The following TSC2 variants were observed in gnomAD, a reference collection of about 807,000 sequenced individuals.
The protein encoded by TSC2 is tuberin.
TSC2 carries 29 observed loss-of-function variants against 202.2 expected under a neutral mutation model. The observed-to-expected ratio is 0.14, with a 90% CI of 0.11 to 0.20. TSC2 has a LOEUF of 0.20. TSC2 is among the 10% of genes least tolerant of loss of function. The probability of loss-of-function intolerance (pLI) is 1.00; values close to 1 mark genes in which losing one functional copy is unlikely to be tolerated. For missense variants in TSC2, 2,429 were observed against 2,420.0 expected, an observed-to-expected ratio of 1.00 and a Z score of -0.08; for synonymous variants, 1,349 against 1,044.0, an observed-to-expected ratio of 1.29 and a Z score of -5.63.
chr16:2,060,090 T>C (rs894339106), intron 10 of TSC2, among the ~76,000 whole-genome samples: 56 of 152,208 alleles, frequency 3.7e-4, no homozygotes, highest in African/African-American at 1.2e-3. Flanking sequence ...TGTCAAGTGC[T>C]GGTCTTGTCC....
intron 11 of TSC2, chr16:2,061,281 T>C: frequency 3.4e-6 from 1 of 291,132 alleles, no homozygotes; most frequent in Non-Finnish European, 6.7e-6. Context: ...GCCTCAGGGC[T>C]GTGCCTTTTC....
chr16:2,083,852 C>T (rs766253342), intron 33 of TSC2, 36 bp downstream of exon 33: 16 of 1,595,588 alleles, frequency 1.0e-5, no homozygotes, highest in Admixed American at 3.4e-5. Context: ...CTGCTGACCT[C>T]GGGGGGCTCC....
Position 2,048,063 on chromosome 16 carries a change from G to A in TSC2, c.-32G>A, listed in dbSNP as rs2084564080. 2.8e-6 allele frequency: 4 copies of A among 1,424,190 alleles called. No individual in the cohort carries two copies. Among genetic ancestry groups the A allele is most frequent in the Admixed American group, 5.9e-5 (2 of 33,836 alleles). 88.2% of individuals were successfully genotyped at this position (1,424,190 alleles called of 1,614,324 possible). A position where few individuals can be genotyped will look rare whatever the true frequency, so the allele number is the denominator to read the frequency against. On this transcript the variant is annotated splice_region_variant and 5_prime_UTR_variant, in exon 1 of 42. Transcript: ENST00000219476. The stretch of plus-strand genomic sequence containing the variant: ...GGCCCGGAGCGCGGTGGCGCGGCGC[G>A]GGGTAAGTGGCGGTCCCCACGGGGC...
At chr16:2,084,830 G>C in intron 34 of TSC2, 115 bp downstream of exon 34, 1 of 1,599,664 alleles carries the variant, frequency 6.3e-7, no homozygotes, top group Non-Finnish European at 8.5e-7. Flanking sequence ...CCCTAGGGCT[G>C]GCTGGAACCC....
rs137854031 is a variant in TSC2, at chr16:2,060,630, G to A, written c.976-40G>A. 6.2e-7 allele frequency: 1 copy of A among 1,613,598 alleles called. No homozygotes were observed. The highest frequency in any genetic ancestry group is 8.5e-7 in the Non-Finnish European group (1 of 1,179,932). On this transcript the variant is annotated intron_variant, in intron 10 of 41. Coordinates refer to ENST00000219476, the MANE Select transcript of TSC2 (RefSeq NM_000548.5). ...TGGGAGGGCGTCCCACAGCAAGCAA[G>A]CAGCTCTGACCCTGTGTGCTGGCCG...
At position 2,059,338 on chromosome 16, in the gene TSC2, C is replaced by CTT. The variant is rs1180610775; in HGVS notation, c.975+485_975+486dup. On this transcript the variant is annotated intron_variant, in intron 10 of 41. Transcript: ENST00000219476. ...TGGCCAAAGGCTTTTTTCTCTCTCT[C>CTT]TTTTTTTTTTTTTTTTTTTTTGAGA... Among the ~76,000 whole-genome samples the CTT allele has an allele frequency of 3.7e-3, 458 of 124,644 alleles. 4 individuals carry two copies. Among genetic ancestry groups the CTT allele is most frequent in the African/African-American group, 0.01 (325 of 32,228 alleles). 81.8% of individuals were successfully genotyped at this position (124,644 alleles called of 152,430 possible).
chr16:2,054,252 G>GC, intron 4 of TSC2, 44 bp from the exon 5 acceptor site: 1 of 1,613,752 alleles, frequency 6.2e-7, no homozygotes, highest in Non-Finnish European at 8.5e-7. Context: ...AGCCGTGTGG[G>GC]CGACGCTGGC....
At position 2,074,024 on chromosome 16, in the gene TSC2, G is replaced by T. The variant is rs116444190; in HGVS notation, c.2356-176G>T. ...TGTCGGAATGCAACTGACCGGAGCA[G>T]TCTGCTGTGCAGAGTCTGCTCGGGT... On this transcript the variant is annotated intron_variant, in intron 21 of 41. Transcript: ENST00000219476. 8.0e-3 allele frequency among the ~76,000 whole-genome samples: 1,216 copies of T among 152,396 alleles called. 12 individuals are homozygous for T. Among genetic ancestry groups the T allele is most frequent in the African/African-American group, 0.028 (1,166 of 41,602 alleles).
At chr16:2,062,632 C>G (rs770951035) in intron 13 of TSC2, 32 bp downstream of exon 13, 21 of 1,572,760 alleles carry the variant, frequency 1.3e-5, no homozygotes, top group Non-Finnish European at 1.8e-5. Context: ...TGCCTGGCAC[C>G]TGGAGCCTGG....
chr16:2,080,092 G>C (rs1035699234), intron 29 of TSC2, 73 bp from the exon 30 acceptor site: 13 of 1,592,176 alleles, frequency 8.2e-6, no homozygotes, highest in Non-Finnish European at 1.0e-5. Flanking sequence ...GGCTCGGGGG[G>C]AGCATTCAGC....
At position 2,077,670 on chromosome 16, in the gene TSC2, T is replaced by C. The variant is rs777705428; in HGVS notation, c.2910T>C (p.Ser970=). 2 of 1,613,002 alleles carry C rather than the reference T, an allele frequency of 1.2e-6. No homozygotes were observed. The highest frequency in any genetic ancestry group is 3.3e-5 in the Admixed American group (2 of 60,012). ...CCGTGAAAGAATTCAAGGAGAGCTC[T>C]GCAGCCGAGGCCTTCCGGTGCCGCA... is the stretch of plus-strand genomic sequence containing the variant. ...SPPVKEFKES[S]AAEAFRCRSI... The change falls in exon 26 of 42, where the codon TCT becomes TCC. Residue 970 remains serine, a synonymous_variant. Transcript: ENST00000219476.
chr16:2,086,258 G>C lies in TSC2; in HGVS notation c.4728G>C (p.Thr1576=), dbSNP rs752642825. Residue 1576 remains threonine (T), a synonymous_variant, in exon 37 of 42, where the codon ACG becomes ACC. Coordinates refer to ENST00000219476, the MANE Select transcript of TSC2 (RefSeq NM_000548.5). ...HGSYRYTEFL[T]GLGRLIELKD... ...CCTACAGGTACACGGAGTTCCTGAC[G>C]GGCCTGGGCCGGCTCATCGAGCTGA... The C allele has an allele frequency of 5.0e-6, 8 of 1,612,816 alleles. No individual in the cohort carries two copies. Among genetic ancestry groups the C allele is most frequent in the African/African-American group, 2.7e-5 (2 of 75,046 alleles).
At chr16:2,077,192 C>A (rs570208448) in intron 25 of TSC2, among the ~76,000 whole-genome samples, 1 of 152,312 alleles carries the variant, frequency 6.6e-6, no homozygotes, top group South Asian at 2.1e-4. Context: ...TCCTAGTGAC[C>A]TTCAGGGCCT....
chr16:2,055,246 C>G (rs984036375), intron 5 of TSC2, 156 bp from the exon 6 acceptor site: 2 of 721,130 alleles, frequency 2.8e-6, no homozygotes, highest in Non-Finnish European at 5.0e-6. Context: ...TGAGCCTCTT[C>G]GGGCCCAGTG....
chr16:2,048,068 A>G lies in TSC2; in HGVS notation c.-30+3A>G. 3 of 1,423,568 alleles carry G rather than the reference A, an allele frequency of 2.1e-6. No individual in the cohort carries two copies. Among genetic ancestry groups the G allele is most frequent in the Non-Finnish European group, 2.7e-6 (3 of 1,096,678 alleles). The allele number at this position is 1,423,568 out of a possible 1,614,324, so 88.2% of individuals were successfully genotyped here. A position where few individuals can be genotyped will look rare whatever the true frequency, so the allele number is the denominator to read the frequency against. ...GGAGCGCGGTGGCGCGGCGCGGGGT[A>G]AGTGGCGGTCCCCACGGGGCAAGTG... On this transcript the variant is annotated splice_donor_region_variant and intron_variant, in intron 1 of 41. Transcript: ENST00000219476.
At position 2,084,296 on chromosome 16, in the gene TSC2, C is replaced by T. The variant is rs144098854; in HGVS notation, c.4074C>T (p.Pro1358=). 3 of 1,612,622 alleles carry T rather than the reference C, an allele frequency of 1.9e-6. No individual in the cohort carries two copies. The highest frequency in any genetic ancestry group is 1.6e-4 in the Middle Eastern group (1 of 6,062). The change falls in exon 34 of 42, where the codon CCC becomes CCT. Residue 1358 remains proline (P), a synonymous_variant. Coordinates refer to ENST00000219476, the MANE Select transcript of TSC2 (RefSeq NM_000548.5). ...HAEELVGRGI[P]IERVVSSEGG... is the part of the protein sequence containing the mutation. ...AGGAGCTGGTTGGCAGGGGCATCCC[C>T]ATCGAGCGAGTCGTCTCCTCGGAGG...
chr16:2,063,126 G>C (rs763644113), intron 14 of TSC2, 73 bp downstream of exon 14: 1 of 1,516,390 alleles, frequency 6.6e-7, no homozygotes, highest in Non-Finnish European at 9.0e-7. Context: ...TGTTGTGCAC[G>C]TGCTCCCGCA....
At chr16:2,058,633 C>T (rs546010987) in intron 9 of TSC2, 114 bp from the exon 10 acceptor site, 3 of 1,492,310 alleles carry the variant, frequency 2.0e-6, no homozygotes, top group Non-Finnish European at 2.7e-6. Context: ...CCTGCCCCCC[C>T]CAAGCACAGG....
chr16:2,072,573 C>A, intron 20 of TSC2: 1 of 847,352 alleles, frequency 1.2e-6, no homozygotes, highest in Non-Finnish European at 1.8e-6. Flanking sequence ...CGTCAGAGGT[C>A]CCCAGCCAAG....
Sources: allele counts gnomAD v4.1 joint callset (sites outside exome capture counted in the v4.1 genomes callset), GRCh38; gene constraint gnomAD v4.1.1; transcripts MANE v1.5; gene names NCBI Gene and HGNC (gene_info 2026-07-23, HGNC 2026-07-21).